The following SORCS1 variants were observed in gnomAD, a reference collection of about 807,000 sequenced individuals.
The protein encoded by SORCS1 is VPS10 domain-containing receptor SorCS1.
Under a neutral mutation model 146.1 loss-of-function variants are expected in SORCS1, and 60 were observed. The ratio of observed to expected loss-of-function variants is 0.41; its 90% confidence interval spans 0.33 to 0.51. The LOEUF (loss-of-function observed/expected upper bound fraction) is 0.51, where lower values mean the gene tolerates loss of function less well. Ranked by LOEUF, SORCS1 falls within the 20% of genes least tolerant of loss-of-function variation. SORCS1 has a pLI of 0.21. For synonymous variants in SORCS1, 637 were observed against 584.0 expected (o/e 1.09, Z -1.31); for missense variants, 1,352 against 1,487.6 (o/e 0.91, Z 1.50).
At chr10:107,119,904 C>A in intron 1 of SORCS1, among the ~76,000 whole-genome samples, 1 of 152,174 alleles carries the variant, frequency 6.6e-6, no homozygotes, top group East Asian at 1.9e-4. Context: ...GAGTCTCTAT[C>A]TATGGAACTA....
intron 1 of SORCS1, among the ~76,000 whole-genome samples, chr10:107,058,031 T>A (rs188782447): frequency 0.012 from 1,892 of 152,002 alleles, 48 homozygotes; most frequent in African/African-American, 0.039. Flanking sequence ...AATCAACTTT[T>A]AAAAAAAATT....
intron 2 of SORCS1, among the ~76,000 whole-genome samples, chr10:106,898,965 C>A (rs1951593339): frequency 1.3e-5 from 2 of 152,252 alleles, no homozygotes; most frequent in East Asian, 3.9e-4. Flanking sequence ...TAATTTCTTT[C>A]TCTAGTTTAT....
chr10:106,655,572 T>C (rs1435189258), intron 17 of SORCS1, among the ~76,000 whole-genome samples: 1 of 152,204 alleles, frequency 6.6e-6, no homozygotes, highest in Non-Finnish European at 1.5e-5. Context: ...TACCTTAGGC[T>C]TTCCTGAATC....
intron 13 of SORCS1, among the ~76,000 whole-genome samples, chr10:106,677,005 C>G (rs1159509149): frequency 1.3e-5 from 2 of 152,152 alleles, no homozygotes; most frequent in Non-Finnish European, 2.9e-5. Context: ...ATTCCTGTTT[C>G]CTTACACCTG....
intron 3 of SORCS1, among the ~76,000 whole-genome samples, chr10:106,819,049 C>T (rs1196132853): frequency 6.6e-6 from 1 of 152,154 alleles, no homozygotes; most frequent in African/African-American, 2.4e-5. Flanking sequence ...ACAAAATAGG[C>T]ATTTAATACC....
intron 10 of SORCS1, among the ~76,000 whole-genome samples, chr10:106,685,838 A>T (rs992219658): frequency 1.3e-5 from 2 of 152,178 alleles, no homozygotes; most frequent in African/African-American, 4.8e-5. Flanking sequence ...ATACGATCTG[A>T]TTTTTCAAAA....
At chr10:106,807,986 TTTC>T (rs1235285282) in intron 3 of SORCS1, among the ~76,000 whole-genome samples, 3 of 152,226 alleles carry the variant, frequency 2.0e-5, no homozygotes, top group African/African-American at 7.2e-5. Context: ...CTTTTCCGAG[TTTC>T]TTCTTCTACA....
At chr10:106,780,135 A>T (rs966290749) in intron 3 of SORCS1, among the ~76,000 whole-genome samples, 1 of 152,238 alleles carries the variant, frequency 6.6e-6, no homozygotes, top group Admixed American at 6.5e-5. Flanking sequence ...AATAATAAAT[A>T]TGATCCAGTC....
At chr10:106,808,560 T>C (rs1947302732) in intron 3 of SORCS1, among the ~76,000 whole-genome samples, 1 of 152,126 alleles carries the variant, frequency 6.6e-6, no homozygotes, top group African/African-American at 2.4e-5. Context: ...TGGAGTGCAG[T>C]GGCGTGATCT....
intron 19 of SORCS1, among the ~76,000 whole-genome samples, chr10:106,621,404 A>T (rs949179510): frequency 3.3e-5 from 5 of 151,674 alleles, no homozygotes; most frequent in African/African-American, 1.2e-4. Flanking sequence ...GGAGAGAGCA[A>T]TACCTTGGGT....
intron 3 of SORCS1, among the ~76,000 whole-genome samples, chr10:106,818,047 G>A (rs978954734): frequency 3.3e-5 from 5 of 152,176 alleles, no homozygotes; most frequent in African/African-American, 9.7e-5. Context: ...AGAGCAAAGC[G>A]AGGTTCATGT....
chr10:106,923,672 G>C (rs1952836451), intron 2 of SORCS1, among the ~76,000 whole-genome samples: 1 of 152,198 alleles, frequency 6.6e-6, no homozygotes. Context: ...ATAAGTGTTA[G>C]TGGCTATCAT....
intron 3 of SORCS1, among the ~76,000 whole-genome samples, chr10:106,822,869 C>T (rs1174318220): frequency 6.7e-6 from 1 of 149,908 alleles, no homozygotes; most frequent in Admixed American, 6.7e-5. Flanking sequence ...CAACCTCCAC[C>T]TCCCAGGTTC....
intron 1 of SORCS1, among the ~76,000 whole-genome samples, chr10:106,993,225 C>A (rs751225891): frequency 2.0e-5 from 3 of 152,192 alleles, no homozygotes; most frequent in Non-Finnish European, 2.9e-5. Flanking sequence ...CCAAGTAGGG[C>A]TGGAAACCCT....
chr10:107,022,356 TG>T (rs1387186808), intron 1 of SORCS1, among the ~76,000 whole-genome samples: 1 of 152,190 alleles, frequency 6.6e-6, no homozygotes, highest in Non-Finnish European at 1.5e-5. Context: ...AGTGGAACCA[TG>T]ACTGAGGTCC....
chr10:106,757,058 G>A (rs1223744066), intron 5 of SORCS1, among the ~76,000 whole-genome samples: 1 of 152,150 alleles, frequency 6.6e-6, no homozygotes, highest in African/African-American at 2.4e-5. Context: ...GGCTTTGTGT[G>A]CAGTAGGGTC....
chr10:106,588,432 A>C (rs972116680), intron 24 of SORCS1, among the ~76,000 whole-genome samples: 1 of 152,144 alleles, frequency 6.6e-6, no homozygotes, highest in African/African-American at 2.4e-5. Flanking sequence ...AATCAGATTT[A>C]TTACTGGAGA....
intron 1 of SORCS1, among the ~76,000 whole-genome samples, chr10:106,980,414 T>G (rs931702740): frequency 6.6e-6 from 1 of 152,258 alleles, no homozygotes; most frequent in Non-Finnish European, 1.5e-5. Flanking sequence ...AGAACAATAG[T>G]AGGTAGAAAT....
intron 1 of SORCS1, among the ~76,000 whole-genome samples, chr10:106,962,496 C>T (rs1048890680): frequency 6.6e-6 from 1 of 151,696 alleles, no homozygotes; most frequent in Non-Finnish European, 1.5e-5. Context: ...TTGTTTTCCT[C>T]TATGTCCAAC....
Sources: gnomAD v4.1 joint callset for allele counts (sites outside exome capture counted in the v4.1 genomes callset) on GRCh38, gnomAD v4.1.1 for gene constraint, MANE v1.5 for transcripts, NCBI Gene and HGNC (gene_info 2026-07-23, HGNC 2026-07-21) for gene names.